The following RNMT variants were observed in gnomAD, a reference collection of about 807,000 sequenced individuals.
The protein encoded by RNMT is mRNA cap guanine-N(7) methyltransferase.
Under a neutral mutation model 56.0 loss-of-function variants are expected in RNMT, and 27 were observed. That is an observed-to-expected ratio of 0.48 (90% CI 0.36 to 0.67). RNMT has a LOEUF of 0.67. Among genes scored for constraint, RNMT ranks in the 30% least tolerant of loss-of-function variants. The pLI, the probability that RNMT is intolerant of heterozygous loss-of-function variation, is 0.00. For missense variants in RNMT, 519 were observed against 552.1 expected, an observed-to-expected ratio of 0.94 and a Z score of 0.60; for synonymous variants, 184 against 176.2, an observed-to-expected ratio of 1.04 and a Z score of -0.35.
intron 9 of RNMT, among the ~76,000 whole-genome samples, chr18:13,747,597 T>G (rs1484143795): frequency 1.3e-5 from 2 of 152,206 alleles, no homozygotes; most frequent in Non-Finnish European, 2.9e-5. Context: ...CCTTTAGATT[T>G]TCTTCAGTTT....
chr18:13,751,467 A>G (rs1568511819), intron 9 of RNMT, among the ~76,000 whole-genome samples: 1 of 152,204 alleles, frequency 6.6e-6, no homozygotes, highest in African/African-American at 2.4e-5. Flanking sequence ...TCAGGAAACA[A>G]CAGATGCTGG....
At chr18:13,727,495 A>G (rs994236515) in intron 1 of RNMT, among the ~76,000 whole-genome samples, 2 of 152,230 alleles carry the variant, frequency 1.3e-5, no homozygotes, top group African/African-American at 4.8e-5. Flanking sequence ...GAAGTTGCAC[A>G]TATTTGCAGG....
At chr18:13,756,983 C>G (rs2044553830) in intron 11 of RNMT, among the ~76,000 whole-genome samples, 2 of 152,142 alleles carry the variant, frequency 1.3e-5, no homozygotes, top group South Asian at 4.1e-4. Flanking sequence ...ACAGGCATAC[C>G]TTGGAGATAC....
rs776424781 is a variant in RNMT at position 13,746,289 on chromosome 18, T to G, written c.1209T>G (p.Ile403Met). The G allele has an allele frequency of 1.3e-6, 2 of 1,575,998 alleles. No individual in the cohort carries two copies. The highest frequency in any genetic ancestry group is 4.5e-5 in the East Asian group (2 of 44,550). ...TTCTGGAATTCTACGAAGAAAAGATTAAGAACAATGAAAATAAAATGCTCT... is the reference window on the plus strand; with the variant it reads ...TTCTGGAATTCTACGAAGAAAAGATGAAGAACAATGAAAATAAAATGCTCT... ...KTFLEFYEEK[I>M]KNNENKMLLK... The change falls in exon 9 of 12, where the codon ATT becomes ATG. Residue 403 changes from isoleucine to methionine, a missense_variant. By Grantham distance (10) the Ile-to-Met change is conservative. Coordinates refer to ENST00000383314, the MANE Select transcript of RNMT (RefSeq NM_003799.3).
chr18:13,746,807 G>T (rs1598421850), intron 9 of RNMT, among the ~76,000 whole-genome samples: 1 of 152,210 alleles, frequency 6.6e-6, no homozygotes, highest in Non-Finnish European at 1.5e-5. Context: ...AGTGCCTTTT[G>T]GTTACGACAG....
chr18:13,731,550 A>G lies in RNMT; in HGVS notation c.33A>G (p.Glu11=), dbSNP rs1454554026. The G allele has an allele frequency of 5.0e-6, 8 of 1,599,064 alleles. No individual in the cohort carries two copies. In the East Asian group the frequency reaches 6.7e-5, roughly 13 times the overall value. MANSAKAEEY[E]KMSLEQAKAS... ...ATTCTGCAAAAGCAGAAGAATATGA[A>G]AAGATGTCTCTTGAACAGGCAAAAG... is the stretch of plus-strand genomic sequence containing the variant. Residue 11 remains glutamate, a synonymous_variant, in exon 3 of 12, where the codon GAA becomes GAG. Transcript: ENST00000383314.
chr18:13,743,692 T>G (rs1413639002), intron 8 of RNMT, among the ~76,000 whole-genome samples: 1 of 152,026 alleles, frequency 6.6e-6, no homozygotes, highest in Non-Finnish European at 1.5e-5. Flanking sequence ...TTCTACTTTT[T>G]AGAAACAAAA....
chr18:13,728,566 C>T (rs1166516177), intron 1 of RNMT, among the ~76,000 whole-genome samples: 1 of 151,876 alleles, frequency 6.6e-6, no homozygotes, highest in Non-Finnish European at 1.5e-5. Context: ...GAACTCCTGA[C>T]CTCAAGTGAT....
At chr18:13,755,682 C>T (rs534708040) in intron 11 of RNMT, among the ~76,000 whole-genome samples, 14 of 152,278 alleles carry the variant, frequency 9.2e-5, no homozygotes, top group Admixed American at 2.0e-4. Context: ...GGATGTTATA[C>T]ACATACGATC....
rs1687210537 is a variant in RNMT, at chr18:13,761,831, C to T, written c.*1852C>T. The T allele has an allele frequency of 7.4e-7, 1 of 1,353,720 alleles. No homozygotes were observed. 83.9% of individuals were successfully genotyped at this position (1,353,720 alleles called of 1,614,324 possible). On this transcript the variant is annotated 3_prime_UTR_variant, in exon 12 of 12. Coordinates refer to ENST00000383314, the MANE Select transcript of RNMT (RefSeq NM_003799.3). The stretch of plus-strand genomic sequence containing the variant: ...GTCTCTTGCCTTATCAGTTCTTCCT[C>T]CACCACCCTACACCCCCCTCCCCCC...
In RNMT at chr18:13,740,364, C is replaced by A. The variant is rs565990388; in HGVS notation, c.792+85C>A. On this transcript the variant is annotated intron_variant, in intron 6 of 11. Transcript: ENST00000383314. The stretch of plus-strand genomic sequence containing the variant: ...GTTTTAAAAATCAACTCAATTTTTA[C>A]TTTTTTAAAAAAATTTACTCTTATT... 8.8e-6 allele frequency: 7 copies of A among 796,504 alleles called. 1 individual carries two copies. The South Asian group carries it at 1.2e-4, about 14-fold the overall frequency. 49.3% of individuals were successfully genotyped at this position (796,504 alleles called of 1,614,324 possible). A position where few individuals can be genotyped will look rare whatever the true frequency, so the allele number is the denominator to read the frequency against.
At chr18:13,753,898 T>C (rs1171928456) in intron 10 of RNMT, among the ~76,000 whole-genome samples, 1 of 151,140 alleles carries the variant, frequency 6.6e-6, no homozygotes, top group Non-Finnish European at 1.5e-5. Flanking sequence ...ATTTGAGAAT[T>C]TGGCAGGAGG....
At chr18:13,747,882 C>G (rs922713273) in intron 9 of RNMT, among the ~76,000 whole-genome samples, 2 of 152,128 alleles carry the variant, frequency 1.3e-5, no homozygotes, top group Admixed American at 1.3e-4. Flanking sequence ...CCCCCTGTCC[C>G]ACATATACAG....
At chr18:13,733,384 ATC>A (rs1273556589) in intron 3 of RNMT, among the ~76,000 whole-genome samples, 5 of 152,072 alleles carry the variant, frequency 3.3e-5, no homozygotes, top group Non-Finnish European at 5.9e-5. Flanking sequence ...CTGAATTCTA[ATC>A]TCTCTTTTTT....
At position 13,762,617 on chromosome 18, in the gene RNMT, C is replaced by G. The variant is rs998590566; in HGVS notation, c.*2638C>G. On this transcript the variant is annotated 3_prime_UTR_variant, in exon 12 of 12. Coordinates refer to ENST00000383314, the MANE Select transcript of RNMT (RefSeq NM_003799.3). ...CAGTGAGTTTCCCAGCCTGCTCCCC[C>G]ATCCACACTTGGAAATTGAGGGAGC... 1 of 192,650 alleles carries G rather than the reference C, an allele frequency of 5.2e-6. No homozygotes were observed. Among genetic ancestry groups the G allele is most frequent in the African/African-American group, 2.4e-5 (1 of 42,226 alleles). The allele number at this position is 192,650 out of a possible 1,614,324, so 11.9% of individuals were successfully genotyped here.
At chr18:13,753,993 C>G in intron 10 of RNMT, 121 bp from the exon 11 acceptor site, 1 of 596,782 alleles carries the variant, frequency 1.7e-6, no homozygotes. Context: ...AACAGTGAAT[C>G]GAATGTGTAT....
At chr18:13,738,832 C>T (rs1314215932) in intron 5 of RNMT, among the ~76,000 whole-genome samples, 2 of 152,164 alleles carry the variant, frequency 1.3e-5, no homozygotes, top group African/African-American at 2.4e-5. Flanking sequence ...TTTAAATTAG[C>T]GATCCCTAAC....
chr18:13,757,432 A>G (rs986722482), intron 11 of RNMT, among the ~76,000 whole-genome samples: 1 of 152,192 alleles, frequency 6.6e-6, no homozygotes, highest in Non-Finnish European at 1.5e-5. Flanking sequence ...GTCTTTATCA[A>G]CTAAGTTTTT....
At position 13,727,745 on chromosome 18, in the gene RNMT, C is replaced by T. The variant is rs554488130; in HGVS notation, c.-172+1016C>T. 1.1e-3 allele frequency among the ~76,000 whole-genome samples: 171 copies of T among 152,304 alleles called. 1 individual carries two copies. The highest frequency in any genetic ancestry group is 1.9e-3 in the Non-Finnish European group (128 of 68,016). On this transcript the variant is annotated intron_variant, in intron 1 of 11. Transcript: ENST00000383314. ...TAACCAATTTCTCTTCTTCATCCCG[C>T]TCCTCTTCCTGCTACCCTTCCCAGT... is the stretch of plus-strand genomic sequence containing the variant.
Sources: allele counts gnomAD v4.1 joint callset (sites outside exome capture counted in the v4.1 genomes callset), GRCh38; gene constraint gnomAD v4.1.1; transcripts MANE v1.5; gene names NCBI Gene and HGNC (gene_info 2026-07-23, HGNC 2026-07-21).